MGAT4C: variants seen among roughly 807,000 people sequenced by gnomAD.
The protein encoded by MGAT4C is MGAT4 family member C, also known as alpha-1,3-mannosyl-glycoprotein 4-beta-N-acetylglucosaminyltransferase C.
Under a neutral mutation model 40.1 loss-of-function variants are expected in MGAT4C, and 19 were observed. The ratio of observed to expected loss-of-function variants is 0.47; its 90% CI spans 0.33 to 0.70. MGAT4C has a LOEUF of 0.70. Among genes scored for constraint, MGAT4C ranks in the 30% least tolerant of loss-of-function variants. MGAT4C has a pLI of 0.02. For missense variants in MGAT4C, 491 were observed against 563.2 expected (o/e 0.87, Z 1.30); for synonymous variants, 181 against 187.1 (o/e 0.97, Z 0.27).
chr12:86,280,085 A>G (rs1953175900), intron 4 of MGAT4C, among the ~76,000 whole-genome samples: 1 of 152,080 alleles, frequency 6.6e-6, no homozygotes, highest in South Asian at 2.1e-4. Context: ...TGCTTAGGAG[A>G]AGAATGGGTA....
intron 3 of MGAT4C, among the ~76,000 whole-genome samples, chr12:86,384,831 T>C (rs1956021351): frequency 6.6e-6 from 1 of 152,200 alleles, no homozygotes; most frequent in South Asian, 2.1e-4. Flanking sequence ...CCTCTTCAGA[T>C]GGCCTCTTTC....
chr12:86,504,758 T>C (rs2136339433), intron 2 of MGAT4C, among the ~76,000 whole-genome samples: 1 of 152,128 alleles, frequency 6.6e-6, no homozygotes, highest in South Asian at 2.1e-4. Flanking sequence ...ATGATCTCAG[T>C]TCACTGCAAC....
chr12:86,128,967 G>C (rs994765263), intron 1 of MGAT4C, among the ~76,000 whole-genome samples: 1 of 152,040 alleles, frequency 6.6e-6, no homozygotes, highest in African/African-American at 2.4e-5. Context: ...CTTTGTCGAA[G>C]ATCAGTCGGC....
At chr12:86,634,883 AAGG>A (rs1963170394) in intron 2 of MGAT4C, among the ~76,000 whole-genome samples, 1 of 152,188 alleles carries the variant, frequency 6.6e-6, no homozygotes, top group East Asian at 1.9e-4. Context: ...TCATGAAAAG[AAGG>A]AGATTATGTA....
At chr12:86,352,522 A>G (rs1955185988) in intron 3 of MGAT4C, among the ~76,000 whole-genome samples, 2 of 152,096 alleles carry the variant, frequency 1.3e-5, no homozygotes, top group African/African-American at 2.4e-5. Flanking sequence ...TTTATTTTCA[A>G]TTAACAATGT....
At position 85,979,347 on chromosome 12, in the gene MGAT4C, A is replaced by G; in HGVS notation, c.1379T>C (p.Val460Ala). The change falls in exon 5 of 5, where the codon GTC becomes GCC. Residue 460 changes from valine to alanine, a missense_variant. Coordinates refer to ENST00000611864, the MANE Select transcript of MGAT4C (RefSeq NM_001351288.2). The stretch of plus-strand genomic sequence containing the variant: ...TAGCCATTCCTTTTGTGTTTTGGTG[A>G]CATATATCCTCATACAATGTATATC... ...PFDIHCMRIY[V>A]TKTQKEWLII... The G allele has an allele frequency of 6.2e-7, 1 of 1,609,214 alleles. No individual in the cohort carries two copies. Among genetic ancestry groups the G allele is most frequent in the Non-Finnish European group, 8.5e-7 (1 of 1,177,408 alleles).
intron 2 of MGAT4C, among the ~76,000 whole-genome samples, chr12:86,544,584 T>G (rs989033077): frequency 6.6e-6 from 1 of 152,196 alleles, no homozygotes; most frequent in Non-Finnish European, 1.5e-5. Flanking sequence ...GATCCTCAAT[T>G]AACATGCTTT....
At chr12:86,707,573 C>T (rs543183695) in intron 2 of MGAT4C, among the ~76,000 whole-genome samples, 1 of 150,300 alleles carries the variant, frequency 6.7e-6, no homozygotes, top group Admixed American at 6.7e-5. Flanking sequence ...CTCTGTCACA[C>T]ATGCTGAAGT....
intron 4 of MGAT4C, among the ~76,000 whole-genome samples, chr12:86,312,965 A>G (rs1203696304): frequency 2.6e-5 from 4 of 152,158 alleles, no homozygotes; most frequent in African/African-American, 9.7e-5. Flanking sequence ...TTTTTCTTAG[A>G]TAACAAAAAT....
At chr12:86,364,361 T>A (rs1955546758) in intron 3 of MGAT4C, among the ~76,000 whole-genome samples, 1 of 152,132 alleles carries the variant, frequency 6.6e-6, no homozygotes, top group Non-Finnish European at 1.5e-5. Flanking sequence ...CTAAGCATAA[T>A]TTATTTGTCA....
At chr12:86,177,461 A>C (rs1887579575) in intron 1 of MGAT4C, among the ~76,000 whole-genome samples, 1 of 152,140 alleles carries the variant, frequency 6.6e-6, no homozygotes, top group South Asian at 2.1e-4. Context: ...CATTCACAGA[A>C]ATTTTTTCAA....
At chr12:86,479,551 T>G (rs763306597) in intron 2 of MGAT4C, among the ~76,000 whole-genome samples, 1 of 151,964 alleles carries the variant, frequency 6.6e-6, no homozygotes, top group Non-Finnish European at 1.5e-5. Flanking sequence ...ATATGTTACC[T>G]TAGCTATTTT....
At chr12:86,753,414 T>C (rs570291912) in intron 1 of MGAT4C, among the ~76,000 whole-genome samples, 245 of 152,248 alleles carry the variant, frequency 1.6e-3, no homozygotes, top group Admixed American at 3.3e-3. Context: ...GAAACAATGC[T>C]AATGACTGCT....
At chr12:86,344,717 GGT>G (rs71076188) in intron 3 of MGAT4C, among the ~76,000 whole-genome samples, 15,778 of 139,316 alleles carry the variant, frequency 0.11, 871 homozygotes, top group African/African-American at 0.13. Flanking sequence ...ATCTCTTCTC[GGT>G]GTGTGTGTGT....
At chr12:86,782,432 C>T (rs1182727177) in intron 1 of MGAT4C, among the ~76,000 whole-genome samples, 8 of 151,938 alleles carry the variant, frequency 5.3e-5, no homozygotes, top group South Asian at 2.1e-4. Context: ...CCTCCCGCCT[C>T]GGCCTCCTAA....
chr12:86,625,959 A>C (rs1184714332), intron 2 of MGAT4C, among the ~76,000 whole-genome samples: 3 of 152,182 alleles, frequency 2.0e-5, no homozygotes, highest in Non-Finnish European at 4.4e-5. Flanking sequence ...GACAGAATAA[A>C]AAACCAAGAC....
At chr12:86,203,833 T>G (rs868856911) in intron 1 of MGAT4C, among the ~76,000 whole-genome samples, 99 of 151,638 alleles carry the variant, frequency 6.5e-4, no homozygotes, top group African/African-American at 2.3e-3. Context: ...GGTGCAGGCC[T>G]GTAATCCCAG....
At chr12:86,710,508 A>T (rs1285514954) in intron 2 of MGAT4C, among the ~76,000 whole-genome samples, 1 of 152,170 alleles carries the variant, frequency 6.6e-6, no homozygotes, top group Non-Finnish European at 1.5e-5. Flanking sequence ...GCCATTCTTC[A>T]AGAGTAAGGT....
chr12:86,306,924 T>G (rs1240887974), intron 4 of MGAT4C, among the ~76,000 whole-genome samples: 1 of 150,596 alleles, frequency 6.6e-6, no homozygotes, highest in Non-Finnish European at 1.5e-5. Flanking sequence ...AAGGGTATTA[T>G]GAAATTCTAT....
Sources: allele counts gnomAD v4.1 joint callset (sites outside exome capture counted in the v4.1 genomes callset), GRCh38; gene constraint gnomAD v4.1.1; transcripts MANE v1.5; gene names NCBI Gene and HGNC (gene_info 2026-07-23, HGNC 2026-07-21).